ZDHHC14: variants seen among roughly 807,000 people sequenced by gnomAD.
ZDHHC14 encodes the protein zDHHC palmitoyltransferase 14, also known as palmitoyltransferase ZDHHC14.
Under a neutral mutation model 47.7 loss-of-function variants are expected in ZDHHC14, and 16 were observed. The observed-to-expected ratio is 0.34, with a 90% CI of 0.23 to 0.51. The LOEUF is 0.51. Among genes scored for constraint, ZDHHC14 ranks in the 20% least tolerant of loss-of-function variants. ZDHHC14 has a pLI of 0.97. For missense variants in ZDHHC14, 515 were observed against 662.5 expected (o/e 0.78, Z 2.44); for synonymous variants, 293 against 278.9 (o/e 1.05, Z -0.50).
At chr6:157,544,418 T>C (rs1781886644) in intron 2 of ZDHHC14, among the ~76,000 whole-genome samples, 1 of 151,960 alleles carries the variant, frequency 6.6e-6, no homozygotes, top group Non-Finnish European at 1.5e-5. Context: ...GAGGTCAAGG[T>C]GGGAGGATCA....
chr6:157,538,201 G>A (rs1781610661), intron 1 of ZDHHC14, among the ~76,000 whole-genome samples: 2 of 152,208 alleles, frequency 1.3e-5, no homozygotes, highest in South Asian at 4.1e-4. Context: ...ATATGGTGCT[G>A]CATCTACTAG....
At chr6:157,607,580 T>C (rs1385593580) in intron 3 of ZDHHC14, among the ~76,000 whole-genome samples, 1 of 152,176 alleles carries the variant, frequency 6.6e-6, no homozygotes, top group East Asian at 1.9e-4. Context: ...TTTAACCCTT[T>C]CATTGCAAAG....
chr6:157,460,487 G>A (rs1779053008), intron 1 of ZDHHC14, among the ~76,000 whole-genome samples: 1 of 149,880 alleles, frequency 6.7e-6, no homozygotes, highest in African/African-American at 2.5e-5. Context: ...TCCAAAGAGT[G>A]CTGTTGATAC....
intron 7 of ZDHHC14, among the ~76,000 whole-genome samples, chr6:157,651,797 C>T (rs1280006661): frequency 6.6e-6 from 1 of 152,188 alleles, no homozygotes; most frequent in Non-Finnish European, 1.5e-5. Context: ...GTCTCGAACT[C>T]CTGACCTCCG....
chr6:157,495,695 A>ATTTTTTTTTTTTTTTTT (rs71027341), intron 1 of ZDHHC14, among the ~76,000 whole-genome samples: 2 of 104,350 alleles, frequency 1.9e-5, no homozygotes, highest in African/African-American at 3.6e-5. Flanking sequence ...TTCGGGTTGA[A>ATTTTTTTTTTTTTTTTT]TTTTTTTTTT....
chr6:157,397,737 G>A lies in ZDHHC14; in HGVS notation c.245+15471G>A, dbSNP rs575955198. 2.4e-3 allele frequency among the ~76,000 whole-genome samples: 366 copies of A among 152,260 alleles called. 3 individuals carry two copies. The highest frequency in any genetic ancestry group is 3.5e-3 in the Non-Finnish European group (238 of 68,008). On this transcript the variant is annotated intron_variant, in intron 1 of 8. Coordinates refer to ENST00000359775, the MANE Select transcript of ZDHHC14 (RefSeq NM_024630.3). ...GAACGTTATTCTCCCTTCCACATCC[G>A]GATTCTTATTGTTCCCTGTATGAAG...
intron 1 of ZDHHC14, among the ~76,000 whole-genome samples, chr6:157,506,812 C>T (rs1306523408): frequency 6.6e-6 from 1 of 152,188 alleles, no homozygotes; most frequent in Non-Finnish European, 1.5e-5. Context: ...CTAGTGGATA[C>T]AACTGTGCTT....
chr6:157,446,882 G>A (rs951208508), intron 1 of ZDHHC14, among the ~76,000 whole-genome samples: 1 of 152,002 alleles, frequency 6.6e-6, no homozygotes, highest in Admixed American at 6.5e-5. Flanking sequence ...ACTTTGGGAG[G>A]CCGAGGCAGG....
chr6:157,455,089 C>T (rs9347275), intron 1 of ZDHHC14, among the ~76,000 whole-genome samples: 43,593 of 152,076 alleles, frequency 0.29, 7,074 homozygotes, highest in East Asian at 0.51. Context: ...TCCTGGGAGG[C>T]GCAGCCAGGC....
intron 1 of ZDHHC14, among the ~76,000 whole-genome samples, chr6:157,391,397 C>G (rs1777416428): frequency 6.6e-6 from 1 of 152,164 alleles, no homozygotes; most frequent in African/African-American, 2.4e-5. Flanking sequence ...ATGACTTTCT[C>G]AGTTTTTAGA....
intron 3 of ZDHHC14, among the ~76,000 whole-genome samples, chr6:157,622,100 G>A (rs1367225794): frequency 6.6e-6 from 1 of 151,896 alleles, no homozygotes; most frequent in Non-Finnish European, 1.5e-5. Context: ...GGCTGGGCAT[G>A]GTGTTCATGC....
intron 1 of ZDHHC14, among the ~76,000 whole-genome samples, chr6:157,513,303 G>A (rs1357387623): frequency 6.6e-6 from 1 of 152,236 alleles, no homozygotes; most frequent in African/African-American, 2.4e-5. Context: ...ACTCTCAAGA[G>A]TTGCCACTTA....
intron 1 of ZDHHC14, among the ~76,000 whole-genome samples, chr6:157,481,052 C>A (rs1779617095): frequency 6.6e-6 from 1 of 152,196 alleles, no homozygotes; most frequent in South Asian, 2.1e-4. Context: ...TGCTATTCAA[C>A]CGAAACCATT....
chr6:157,406,766 A>C (rs1047351715), intron 1 of ZDHHC14, among the ~76,000 whole-genome samples: 2 of 152,254 alleles, frequency 1.3e-5, no homozygotes, highest in Non-Finnish European at 2.9e-5. Flanking sequence ...GCCCTTGTTC[A>C]GTGAACAAAC....
chr6:157,517,558 G>A (rs528024813), intron 1 of ZDHHC14, among the ~76,000 whole-genome samples: 3 of 152,204 alleles, frequency 2.0e-5, no homozygotes, highest in East Asian at 1.9e-4. Flanking sequence ...TGATCCATTC[G>A]CCTTGGCCTC....
chr6:157,556,653 C>T (rs1782476885), intron 2 of ZDHHC14, among the ~76,000 whole-genome samples: 3 of 152,170 alleles, frequency 2.0e-5, no homozygotes, highest in South Asian at 2.1e-4. Context: ...GGAGCACGTA[C>T]AGAGTGAGAC....
At chr6:157,490,099 G>C (rs1270846018) in intron 1 of ZDHHC14, among the ~76,000 whole-genome samples, 1 of 152,168 alleles carries the variant, frequency 6.6e-6, no homozygotes, top group Non-Finnish European at 1.5e-5. Context: ...TCAGTTTCTA[G>C]ATAGAGAAAC....
intron 2 of ZDHHC14, among the ~76,000 whole-genome samples, chr6:157,569,111 C>T (rs1783009612): frequency 6.6e-6 from 1 of 151,728 alleles, no homozygotes; most frequent in East Asian, 1.9e-4. Context: ...CTTTATGTTG[C>T]CAAACTTATG....
chr6:157,527,633 A>T (rs1348759835), intron 1 of ZDHHC14, among the ~76,000 whole-genome samples: 2 of 152,138 alleles, frequency 1.3e-5, no homozygotes, highest in Non-Finnish European at 2.9e-5. Context: ...GCTCAGCTAG[A>T]GCATTTTCAA....
Sources: allele counts gnomAD v4.1 joint callset (sites outside exome capture counted in the v4.1 genomes callset), GRCh38; gene constraint gnomAD v4.1.1; transcripts MANE v1.5; gene names NCBI Gene and HGNC (gene_info 2026-07-23, HGNC 2026-07-21).